The following TFDP2 variants were observed in gnomAD, a reference collection of about 807,000 sequenced individuals.
TFDP2 encodes the protein transcription factor Dp-2 (E2F dimerization partner 2).
A neutral mutation model predicts 59.3 loss-of-function variants in TFDP2; 17 were observed. The observed-to-expected ratio is 0.29, with a 90% confidence interval of 0.20 to 0.43. The LOEUF (loss-of-function observed/expected upper bound fraction) is 0.43. TFDP2 is among the 20% of genes least tolerant of loss of function. The pLI, the probability that TFDP2 is intolerant of heterozygous loss-of-function variation, is 1.00. For missense variants in TFDP2, 391 were observed against 528.8 expected, an observed-to-expected ratio of 0.74 and a Z score of 2.56; for synonymous variants, 180 against 194.7, an observed-to-expected ratio of 0.92 and a Z score of 0.63.
At chr3:142,023,312 G>A (rs1375961261) in intron 3 of TFDP2, among the ~76,000 whole-genome samples, 1 of 151,090 alleles carries the variant, frequency 6.6e-6, no homozygotes. Flanking sequence ...AGCCTCCTGA[G>A]TAGCTGGGAT....
intron 2 of TFDP2, among the ~76,000 whole-genome samples, chr3:142,094,613 A>G (rs2061105003): frequency 6.6e-6 from 1 of 152,040 alleles, no homozygotes; most frequent in African/African-American, 2.4e-5. Context: ...CCCTCAAACT[A>G]TACTTTCAAG....
intron 1 of TFDP2, among the ~76,000 whole-genome samples, chr3:142,119,092 T>G (rs1478043442): frequency 5.9e-5 from 9 of 151,880 alleles, no homozygotes; most frequent in African/African-American, 2.2e-4. Context: ...ACCCAGAAGG[T>G]AGAGGTTGCA....
Position 141,968,497 on chromosome 3 carries a change from G to GAT in TFDP2, c.732+1574_732+1575dup, listed in dbSNP as rs1309912988. Reference sequence around the variant, plus strand: ...ATAACATATATATATCTCATATATAGATATATATAACATATATATCTCATA... The same window carrying GAT: ...ATAACATATATATATCTCATATATAGATATATATATAACATATATATCTCATA... On this transcript the variant is annotated intron_variant, in intron 9 of 12. Transcript: ENST00000489671. Among the ~76,000 whole-genome samples the GAT allele has an allele frequency of 6.9e-4, 60 of 86,484 alleles. 5 individuals are homozygous for GAT. Among genetic ancestry groups the GAT allele is most frequent in the African/African-American group, 2.1e-3 (40 of 19,000 alleles). 56.7% of individuals were successfully genotyped at this position (86,484 alleles called of 152,430 possible).
chr3:141,991,062 A>AAT (rs1942711402), intron 6 of TFDP2, among the ~76,000 whole-genome samples: 1 of 152,180 alleles, frequency 6.6e-6, no homozygotes, highest in Admixed American at 6.5e-5. Context: ...CATCTCAAAA[A>AAT]ACAAACAAAC....
rs1935224283 is a variant in TFDP2 at position 141,946,130 on chromosome 3, G to A, written c.*6383C>T. ...GTGGTGACAGCGTGGCCCTCACGGA[G>A]GGAAGAAGCTCTGGGTTTTGGTGCA... On this transcript the variant is annotated 3_prime_UTR_variant, in exon 13 of 13. Transcript: ENST00000489671. 6.6e-6 allele frequency: 1 copy of A among 152,296 alleles called. No homozygotes were observed. The allele number at this position is 152,296 out of a possible 1,614,324, so 9.4% of individuals were successfully genotyped here.
chr3:142,073,890 T>C (rs1195767261), intron 3 of TFDP2, among the ~76,000 whole-genome samples: 6 of 152,178 alleles, frequency 3.9e-5, no homozygotes, highest in Non-Finnish European at 4.4e-5. Context: ...AGAGATTCAA[T>C]GCAATCTCCA....
intron 1 of TFDP2, among the ~76,000 whole-genome samples, chr3:142,109,997 C>G (rs1028557022): frequency 2.6e-5 from 4 of 152,116 alleles, no homozygotes; most frequent in Non-Finnish European, 5.9e-5. Context: ...CCCACCTCAG[C>G]CTACTCAGTC....
chr3:141,973,123 A>ATATATATATTTTTTTTTTT, intron 8 of TFDP2, among the ~76,000 whole-genome samples: 735 of 57,516 alleles, frequency 0.013, 2 homozygotes, highest in Non-Finnish European at 0.023. Context: ...ATATATATAT[A>ATATATATATTTTTTTTTTT]TTTTTTTTTT....
chr3:142,146,166 T>A (rs1034144038), intron 1 of TFDP2, among the ~76,000 whole-genome samples: 23 of 152,164 alleles, frequency 1.5e-4, no homozygotes, highest in Non-Finnish European at 2.5e-4. Context: ...AGGATTTTTT[T>A]AATGTCAACA....
intron 8 of TFDP2, among the ~76,000 whole-genome samples, chr3:141,971,634 A>T (rs1025017823): frequency 1.3e-5 from 2 of 152,120 alleles, no homozygotes; most frequent in African/African-American, 4.8e-5. Context: ...ACAAAAATGG[A>T]GTCACTCATG....
chr3:141,975,831 A>G (rs1169014488), intron 7 of TFDP2, among the ~76,000 whole-genome samples: 1 of 152,186 alleles, frequency 6.6e-6, no homozygotes, highest in Non-Finnish European at 1.5e-5. Context: ...TGTTCAAAGC[A>G]GATTAAATAA....
chr3:142,062,061 G>T (rs530901012), intron 3 of TFDP2, among the ~76,000 whole-genome samples: 19 of 151,194 alleles, frequency 1.3e-4, no homozygotes, highest in Non-Finnish European at 2.8e-4. Context: ...CTCCTTCTCA[G>T]CCTACTCTTC....
At chr3:142,000,237 A>C in intron 4 of TFDP2, 1 of 700,476 alleles carries the variant, frequency 1.4e-6, no homozygotes, top group Non-Finnish European at 2.6e-6. Context: ...CAAACCACAG[A>C]AATTTATTGC....
At position 141,978,678 on chromosome 3, in the gene TFDP2, G is replaced by A; in HGVS notation, c.361C>T (p.Arg121Ter). Residue 121 changes from arginine to a stop codon, truncating the protein, a stop_gained, in exon 7 of 13, where the codon CGA (arginine) becomes TGA (stop). Transcript: ENST00000489671. LOFTEE classifies it high-confidence loss of function. The stretch of plus-strand genomic sequence containing the variant: ...CCATTTTTATCTCCTTTTTTGCTTC[G>A]TTTACTAGAAGGGAAAAAAGTTTTT... ...FIDSDFSESK[R>*]SKKGDKNGKG... 6.3e-7 allele frequency: 1 copy of A among 1,598,920 alleles called. No homozygotes were observed. The highest frequency in any genetic ancestry group is 1.8e-5 in the Admixed American group (1 of 56,064).
At position 142,149,316 on chromosome 3, in the gene TFDP2, G is replaced by T. The variant is rs1166849450; in HGVS notation, c.-226C>A. 3 of 394,992 alleles carry T rather than the reference G, an allele frequency of 7.6e-6. No individual in the cohort carries two copies. Among genetic ancestry groups the T allele is most frequent in the East Asian group, 3.6e-5 (1 of 27,894 alleles). 24.5% of individuals were successfully genotyped at this position (394,992 alleles called of 1,614,324 possible). A position where few individuals can be genotyped will look rare whatever the true frequency, so the allele number is the denominator to read the frequency against. On this transcript the variant is annotated 5_prime_UTR_variant, in exon 1 of 13. Coordinates refer to ENST00000489671, the MANE Select transcript of TFDP2 (RefSeq NM_001178139.2). ...GGGTCCCGGTGGACTCACACCCGGG[G>T]AGACGCGGCCTGCCCGGTCAAGGCC... is the stretch of plus-strand genomic sequence containing the variant.
chr3:142,029,316 A>G (rs989633989), intron 3 of TFDP2, among the ~76,000 whole-genome samples: 1 of 151,704 alleles, frequency 6.6e-6, no homozygotes, highest in Non-Finnish European at 1.5e-5. Flanking sequence ...CCCATTTCTG[A>G]TATCAACAAA....
chr3:141,994,623 T>A (rs1293222938), intron 5 of TFDP2: 1 of 153,282 alleles, frequency 6.5e-6, no homozygotes, highest in East Asian at 1.9e-4. Flanking sequence ...CCTACCCTTT[T>A]CTGGTCTTTA....
At chr3:142,002,006 T>G (rs1362740549) in intron 4 of TFDP2, among the ~76,000 whole-genome samples, 207 of 150,774 alleles carry the variant, frequency 1.4e-3, no homozygotes, top group Middle Eastern at 6.8e-3. Context: ...TTTTTTTTTT[T>G]TTGTCTGAGA....
chr3:142,083,202 C>T (rs1411594097), intron 3 of TFDP2, among the ~76,000 whole-genome samples: 4 of 152,086 alleles, frequency 2.6e-5, no homozygotes, highest in Non-Finnish European at 5.9e-5. Flanking sequence ...AAATCAGTAG[C>T]TTTCTAATGG....
Sources: gnomAD v4.1 joint callset for allele counts (sites outside exome capture counted in the v4.1 genomes callset) on GRCh38, gnomAD v4.1.1 for gene constraint, MANE v1.5 for transcripts, NCBI Gene and HGNC (gene_info 2026-07-23, HGNC 2026-07-21) for gene names.